TMEM154: variants seen among roughly 807,000 people sequenced by gnomAD.
TMEM154 encodes transmembrane protein 154.
In TMEM154, 27 loss-of-function variants were observed where a neutral mutation model predicts 24.5. That is an observed-to-expected ratio of 1.10 (90% CI 0.81 to 1.52). The LOEUF (loss-of-function observed/expected upper bound fraction) is 1.52, where lower values mean the gene tolerates loss of function less well. Among genes scored for constraint, TMEM154 ranks in the 40% most tolerant of loss-of-function variants. TMEM154 has a pLI of 0.00. For synonymous variants in TMEM154, 67 were observed against 76.8 expected, an observed-to-expected ratio of 0.87 and a Z score of 0.67; for missense variants, 228 against 213.4, an observed-to-expected ratio of 1.07 and a Z score of -0.43.
At chr4:152,655,064 G>A (rs1455545996) in intron 1 of TMEM154, among the ~76,000 whole-genome samples, 1 of 152,070 alleles carries the variant, frequency 6.6e-6, no homozygotes, top group African/African-American at 2.4e-5. Flanking sequence ...AAGAGTGGAG[G>A]GGCTTCAAAA....
chr4:152,676,277 C>T (rs768670000), intron 1 of TMEM154, among the ~76,000 whole-genome samples: 16 of 152,166 alleles, frequency 1.1e-4, no homozygotes, highest in Non-Finnish European at 2.1e-4. Context: ...ATGCAGCCAC[C>T]GCAAAGCCTA....
intron 6 of TMEM154, among the ~76,000 whole-genome samples, chr4:152,636,743 C>T (rs1298325003): frequency 6.6e-6 from 1 of 152,302 alleles, no homozygotes; most frequent in Admixed American, 6.5e-5. Context: ...TTCCCAGAAG[C>T]ATGGTGGTCG....
chr4:152,628,409 G>T lies in TMEM154; in HGVS notation c.*137C>A. ...CCATCATTAGGAAGAGTGGGCGTTGGAAGAAACAGCAAAAGGTTCTTGTGT... is the reference window on the plus strand; with the variant it reads ...CCATCATTAGGAAGAGTGGGCGTTGTAAGAAACAGCAAAAGGTTCTTGTGT... On this transcript the variant is annotated 3_prime_UTR_variant, in exon 7 of 7. Coordinates refer to ENST00000304385, the MANE Select transcript of TMEM154 (RefSeq NM_152680.3). The T allele has an allele frequency of 7.1e-7, 1 of 1,418,066 alleles. No individual in the cohort carries two copies. Among genetic ancestry groups the T allele is most frequent in the Non-Finnish European group, 9.8e-7 (1 of 1,018,680 alleles). 87.8% of individuals were successfully genotyped at this position (1,418,066 alleles called of 1,614,324 possible). A position where few individuals can be genotyped will look rare whatever the true frequency, so the allele number is the denominator to read the frequency against.
In TMEM154 at chr4:152,625,953, T is replaced by C. The variant is rs1165511597; in HGVS notation, c.*2593A>G. 1 of 152,168 alleles carries C rather than the reference T, an allele frequency of 6.6e-6. No individual in the cohort carries two copies. The highest frequency in any genetic ancestry group is 1.5e-5 in the Non-Finnish European group (1 of 68,044). 9.4% of individuals were successfully genotyped at this position (152,168 alleles called of 1,614,324 possible). ...ACTAGGAGAAAAAAAAACTATGAAA[T>C]TATTTTCCCAAGACCAGTTTTACTC... On this transcript the variant is annotated 3_prime_UTR_variant, in exon 7 of 7. Transcript: ENST00000304385.
At chr4:152,635,657 C>T (rs908578078) in intron 6 of TMEM154, among the ~76,000 whole-genome samples, 7 of 152,062 alleles carry the variant, frequency 4.6e-5, no homozygotes, top group East Asian at 3.9e-4. Flanking sequence ...AATAGTGAAG[C>T]AACTCCTTTT....
chr4:152,638,685 A>G (rs35114800), intron 6 of TMEM154, among the ~76,000 whole-genome samples: 16,568 of 152,174 alleles, frequency 0.11, 1,187 homozygotes, highest in African/African-American at 0.2. Flanking sequence ...AGATTTTTTA[A>G]TGAATAAAAA....
chr4:152,662,644 T>C (rs11725194), intron 1 of TMEM154, among the ~76,000 whole-genome samples: 15,744 of 152,148 alleles, frequency 0.1, 866 homozygotes, highest in African/African-American at 0.16. Context: ...CCATGGCCTA[T>C]GGGTTAACAG....
intron 3 of TMEM154, among the ~76,000 whole-genome samples, chr4:152,645,507 C>G (rs1230716391): frequency 6.6e-6 from 1 of 152,218 alleles, no homozygotes; most frequent in Admixed American, 6.5e-5. Flanking sequence ...AGAACCAACA[C>G]ATCCAGAGAA....
At chr4:152,633,365 C>G (rs1357969828) in intron 6 of TMEM154, among the ~76,000 whole-genome samples, 1 of 152,220 alleles carries the variant, frequency 6.6e-6, no homozygotes, top group Non-Finnish European at 1.5e-5. Flanking sequence ...AAGCTGGGAC[C>G]TGGCCTGCCA....
rs1429570861 is a variant in TMEM154, at chr4:152,626,076, A to G, written c.*2470T>C. The G allele has an allele frequency of 6.6e-6, 1 of 152,582 alleles. No homozygotes were observed. Among genetic ancestry groups the G allele is most frequent in the Non-Finnish European group, 1.5e-5 (1 of 68,038 alleles). 9.5% of individuals were successfully genotyped at this position (152,582 alleles called of 1,614,324 possible). The stretch of plus-strand genomic sequence containing the variant: ...TGCATTGGGTAACAAAGCCCTTCCC[A>G]GAGGGAGGAGTCACACCATTGGGTC... On this transcript the variant is annotated 3_prime_UTR_variant, in exon 7 of 7. Coordinates refer to ENST00000304385, the MANE Select transcript of TMEM154 (RefSeq NM_152680.3).
intron 6 of TMEM154, among the ~76,000 whole-genome samples, chr4:152,638,786 A>G (rs1008494736): frequency 1.7e-4 from 26 of 152,200 alleles, no homozygotes; most frequent in African/African-American, 6.0e-4. Context: ...TGGTTCTCGA[A>G]TGCTGGTGCT....
intron 3 of TMEM154, among the ~76,000 whole-genome samples, chr4:152,649,329 A>G (rs1394840567): frequency 6.6e-6 from 1 of 152,276 alleles, no homozygotes; most frequent in East Asian, 1.9e-4. Context: ...GGCACAAGCC[A>G]AAAGTACCCA....
chr4:152,653,591 T>C (rs1728434165), intron 1 of TMEM154, among the ~76,000 whole-genome samples: 1 of 149,702 alleles, frequency 6.7e-6, no homozygotes, highest in Admixed American at 6.7e-5. Context: ...GGTTTCACCA[T>C]GTTGGCCAGG....
intron 1 of TMEM154, among the ~76,000 whole-genome samples, chr4:152,661,443 A>C (rs1215606005): frequency 6.6e-6 from 1 of 151,698 alleles, no homozygotes; most frequent in Non-Finnish European, 1.5e-5. Context: ...GTGCTATCTA[A>C]TTCGATCTTC....
chr4:152,656,457 C>T (rs1435842405), intron 1 of TMEM154, among the ~76,000 whole-genome samples: 2 of 152,156 alleles, frequency 1.3e-5, no homozygotes, highest in Non-Finnish European at 2.9e-5. Flanking sequence ...ACAACCACAT[C>T]CTAAGCTGCT....
chr4:152,675,675 G>A (rs1728941140), intron 1 of TMEM154, among the ~76,000 whole-genome samples: 3 of 151,950 alleles, frequency 2.0e-5, no homozygotes. Context: ...AAATAATGAT[G>A]ACTAAAATTA....
intron 3 of TMEM154, 81 bp downstream of exon 3, chr4:152,652,457 C>T: frequency 6.3e-7 from 1 of 1,587,332 alleles, no homozygotes; most frequent in Admixed American, 1.9e-5. Flanking sequence ...ATATGTAGTC[C>T]TTGTTGCTTA....
At position 152,633,468 on chromosome 4, in the gene TMEM154, G is replaced by A. The variant is rs1752089624; in HGVS notation, c.537-4907C>T. Among the ~76,000 whole-genome samples the A allele has an allele frequency of 2.0e-5, 3 of 152,186 alleles. No homozygotes were observed. The South Asian group carries it at 6.2e-4, about 32-fold the overall frequency. ...CTTTTTGGCTATTTATTTTCTCTGTGGAATCATCAAATAAACCTAGACATT... is the reference window on the plus strand; with the variant it reads ...CTTTTTGGCTATTTATTTTCTCTGTAGAATCATCAAATAAACCTAGACATT... On this transcript the variant is annotated intron_variant, in intron 6 of 6. Coordinates refer to ENST00000304385, the MANE Select transcript of TMEM154 (RefSeq NM_152680.3).
chr4:152,634,031 C>CAAAAAAAAA (rs1167923301), intron 6 of TMEM154, among the ~76,000 whole-genome samples: 11 of 20,396 alleles, frequency 5.4e-4, no homozygotes, highest in Admixed American at 1.2e-3. Flanking sequence ...GACCCCATCT[C>CAAAAAAAAA]AAAAAAAAAA....
Sources: gnomAD v4.1 joint callset for allele counts (sites outside exome capture counted in the v4.1 genomes callset) on GRCh38, gnomAD v4.1.1 for gene constraint, MANE v1.5 for transcripts, NCBI Gene and HGNC (gene_info 2026-07-23, HGNC 2026-07-21) for gene names.